The following ZFHX3 variants were observed in gnomAD, a reference collection of about 807,000 sequenced individuals.
ZFHX3 encodes zinc finger homeobox 3.
A neutral mutation model predicts 279.1 loss-of-function variants in ZFHX3; 42 were observed. The observed-to-expected ratio is 0.15, with a 90% CI of 0.12 to 0.19. The LOEUF is 0.19. Ranked by LOEUF, ZFHX3 falls within the 10% of genes least tolerant of loss-of-function variation. ZFHX3 has a pLI of 1.00. For synonymous variants in ZFHX3, 2,293 were observed against 1,957.8 expected (o/e 1.17, Z -4.52); for missense variants, 4,981 against 4,754.0 (o/e 1.05, Z -1.40).
At chr16:73,232,269 T>A (rs1269343297) in intron 5 of ZFHX3, 2 of 152,214 alleles carry the variant, frequency 1.3e-5, no homozygotes, top group Non-Finnish European at 2.9e-5. Flanking sequence ...CTGATTCCCT[T>A]TCAGGAATTT....
chr16:73,507,680 T>A (rs1362156523), intron 2 of ZFHX3, among the ~76,000 whole-genome samples: 1 of 151,810 alleles, frequency 6.6e-6, no homozygotes, highest in Non-Finnish European at 1.5e-5. Context: ...TTTAATGTTT[T>A]TGTAGAGATA....
intron 4 of ZFHX3, among the ~76,000 whole-genome samples, chr16:73,276,847 G>A (rs12102390): frequency 0.18 from 26,968 of 152,112 alleles, 2,885 homozygotes; most frequent in African/African-American, 0.3. Context: ...TGCGGATGAG[G>A]CAAACATTCC....
At chr16:73,685,836 C>T (rs1028012635) in intron 1 of ZFHX3, among the ~76,000 whole-genome samples, 2 of 152,120 alleles carry the variant, frequency 1.3e-5, no homozygotes, top group East Asian at 3.9e-4. Flanking sequence ...TTTATGAGCA[C>T]CCGACAATGT....
intron 1 of ZFHX3, among the ~76,000 whole-genome samples, chr16:73,693,710 G>C (rs2142209589): frequency 6.6e-6 from 1 of 152,250 alleles, no homozygotes; most frequent in South Asian, 2.1e-4. Flanking sequence ...AATGTAAACA[G>C]TCCCTCCCTT....
chr16:72,839,650 GGAGTT>G (rs1390111731), intron 4 of ZFHX3, among the ~76,000 whole-genome samples: 3 of 151,916 alleles, frequency 2.0e-5, no homozygotes, highest in Non-Finnish European at 4.4e-5. Flanking sequence ...AAAAAAAGCT[GGAGTT>G]GATAGAAGAA....
At chr16:73,136,720 T>A (rs1475012299) in intron 6 of ZFHX3, among the ~76,000 whole-genome samples, 1 of 96,734 alleles carries the variant, frequency 1.0e-5, no homozygotes, top group East Asian at 2.5e-4. Context: ...AGCAAGACTC[T>A]GCCTCAAAAA....
chr16:73,551,038 T>A (rs1398909370), intron 2 of ZFHX3, among the ~76,000 whole-genome samples: 3 of 152,236 alleles, frequency 2.0e-5, no homozygotes, highest in Non-Finnish European at 4.4e-5. Flanking sequence ...TAATCATTAT[T>A]GCTACTATTT....
intron 5 of ZFHX3, among the ~76,000 whole-genome samples, chr16:72,829,019 A>C (rs772675720): frequency 5.8e-4 from 85 of 147,196 alleles, no homozygotes; most frequent in Non-Finnish European, 1.1e-3. Flanking sequence ...TCCCCGAGAT[A>C]GAGTCTCACT....
At position 73,416,839 on chromosome 16, in the gene ZFHX3, A is replaced by G. The variant is rs531825237; in HGVS notation, c.-1291+39164T>C. Among the ~76,000 whole-genome samples the G allele has an allele frequency of 1.8e-3, 280 of 151,488 alleles. 4 individuals are homozygous for G. The highest frequency in any genetic ancestry group is 6.4e-3 in the African/African-American group (264 of 41,458). The stretch of plus-strand genomic sequence containing the variant: ...CAGTGAGCCGAGATCGCGCCACTGC[A>G]CTCCAGCCTGGGCGACAGAGCGAGA... On this transcript the variant is annotated intron_variant, in intron 3 of 17. Coordinates refer to the ZFHX3 transcript ENST00000641206.
rs535250138 is a variant in ZFHX3, at chr16:73,659,124, A to C, written c.-1547+21056T>G. ...TTGCTGAGAAAATCTACCGAAATAT[A>C]TATGGTTCCCGCAGTATGCACTTTG... On this transcript the variant is annotated intron_variant, in intron 2 of 17. Coordinates refer to the ZFHX3 transcript ENST00000641206. Among the ~76,000 whole-genome samples, 12 of 152,316 alleles carry C rather than the reference A, an allele frequency of 7.9e-5. No individual in the cohort carries two copies. In the South Asian group the frequency reaches 2.5e-3, roughly 32 times the overall value.
intron 2 of ZFHX3, among the ~76,000 whole-genome samples, chr16:73,655,618 T>C (rs2052714912): frequency 6.6e-6 from 1 of 152,228 alleles, no homozygotes; most frequent in Non-Finnish European, 1.5e-5. Context: ...TTAATAATTA[T>C]GGTTATGCAA....
intron 3 of ZFHX3, among the ~76,000 whole-genome samples, chr16:73,413,864 C>T (rs147341594): frequency 6.6e-6 from 1 of 152,254 alleles, no homozygotes; most frequent in Non-Finnish European, 1.5e-5. Context: ...AAATGCTCTG[C>T]ATATTATAAA....
At chr16:73,732,583 T>C (rs1424782419) in intron 1 of ZFHX3, among the ~76,000 whole-genome samples, 1 of 152,380 alleles carries the variant, frequency 6.6e-6, no homozygotes, top group East Asian at 1.9e-4. Context: ...ATGGATCTAA[T>C]AGACCTGTAC....
chr16:73,073,496 ATTTTGTTTG>A (rs1263701577), intron 8 of ZFHX3, among the ~76,000 whole-genome samples: 4 of 151,956 alleles, frequency 2.6e-5, no homozygotes, highest in Non-Finnish European at 4.4e-5. Context: ...GACTTGCTGG[ATTTTGTTTG>A]TTTTGTTTTT....
chr16:73,406,262 A>G (rs2017358519), intron 3 of ZFHX3, among the ~76,000 whole-genome samples: 1 of 152,178 alleles, frequency 6.6e-6, no homozygotes, highest in African/African-American at 2.4e-5. Context: ...CGTAGAACTT[A>G]TTGACCATGT....
At chr16:73,575,280 C>T (rs2051787777) in intron 2 of ZFHX3, among the ~76,000 whole-genome samples, 1 of 152,172 alleles carries the variant, frequency 6.6e-6, no homozygotes, top group Non-Finnish European at 1.5e-5. Flanking sequence ...GCGACAGGTT[C>T]CCAAAAGTAT....
rs2038687711 is a variant in ZFHX3, at chr16:72,888,541, C to T, written c.3448+1190G>A. Among the ~76,000 whole-genome samples the T allele has an allele frequency of 3.9e-5, 6 of 152,300 alleles. No individual in the cohort carries two copies. The South Asian group carries it at 1.2e-3, about 32-fold the overall frequency. ...GGAGCCGAGGACCAGGCCACAGTGC[C>T]CTGTGCCCAGGGACATGGGGCAGGC... On this transcript the variant is annotated intron_variant, in intron 4 of 9. Transcript: ENST00000268489.
chr16:72,919,590 A>C (rs1345652051), intron 3 of ZFHX3, among the ~76,000 whole-genome samples: 1 of 152,012 alleles, frequency 6.6e-6, no homozygotes, highest in African/African-American at 2.4e-5. Context: ...TACAGAAAGA[A>C]ATGTATAAAT....
intron 2 of ZFHX3, among the ~76,000 whole-genome samples, chr16:73,490,147 A>G (rs2019035393): frequency 6.6e-6 from 1 of 152,254 alleles, no homozygotes. Context: ...ACTTAATGGA[A>G]ATACTATCAG....
Sources: allele counts gnomAD v4.1 joint callset (sites outside exome capture counted in the v4.1 genomes callset), GRCh38; gene constraint gnomAD v4.1.1; transcripts MANE v1.5; gene names NCBI Gene and HGNC (gene_info 2026-07-23, HGNC 2026-07-21).